The following KAT6A variants were observed in gnomAD, a reference collection of about 807,000 sequenced individuals.
The protein encoded by KAT6A is histone acetyltransferase KAT6A.
Under a neutral mutation model 198.4 loss-of-function variants are expected in KAT6A, and 9 were observed. The ratio of observed to expected loss-of-function variants is 0.05; its 90% confidence interval spans 0.03 to 0.08. KAT6A has a LOEUF of 0.08. Among genes scored for constraint, KAT6A ranks in the 10% least tolerant of loss-of-function variants. KAT6A has a pLI of 1.00. For missense variants in KAT6A, 2,077 were observed against 2,509.9 expected, an observed-to-expected ratio of 0.83 and a Z score of 3.69; for synonymous variants, 890 against 883.0, an observed-to-expected ratio of 1.01 and a Z score of -0.14.
intron 2 of KAT6A, among the ~76,000 whole-genome samples, 196 bp downstream of exon 2, chr8:42,048,182 T>G (rs1380337441): frequency 6.6e-6 from 1 of 152,196 alleles, no homozygotes; most frequent in African/African-American, 2.4e-5. Context: ...ATTTTTAATC[T>G]TAGGCTTCAA....
chr8:42,048,651 G>A lies in KAT6A; in HGVS notation c.327C>T (p.Gly109=). The change falls in exon 2 of 17, where the codon GGC becomes GGT. Residue 109 remains glycine (G), a synonymous_variant. Transcript: ENST00000265713. The part of the protein sequence containing the change: ...WNKLIKRAVE[G]LAESGGSTLK... ...AAGTTGAGCCACCAGACTCTGCCAAGCCCTCAACTGCCCGCTTTATCAGTT... is the reference window on the plus strand; with the variant it reads ...AAGTTGAGCCACCAGACTCTGCCAAACCCTCAACTGCCCGCTTTATCAGTT... 1 of 1,614,190 alleles carries A rather than the reference G, an allele frequency of 6.2e-7. No individual in the cohort carries two copies. Among genetic ancestry groups the A allele is most frequent in the Non-Finnish European group, 8.5e-7 (1 of 1,180,034 alleles).
chr8:41,930,812 A>G lies in KAT6A; in HGVS notation c.*1393T>C, dbSNP rs915564893. 4 of 191,666 alleles carry G rather than the reference A, an allele frequency of 2.1e-5. No individual in the cohort carries two copies. Among genetic ancestry groups the G allele is most frequent in the African/African-American group, 4.8e-5 (2 of 41,920 alleles). 11.9% of individuals were successfully genotyped at this position (191,666 alleles called of 1,614,324 possible). A position where few individuals can be genotyped will look rare whatever the true frequency, so the allele number is the denominator to read the frequency against. ...TGGGCAAACTGGTTGCACGAGAGAA[A>G]AGAGAATGGAGTTGGGAGCAACACA... On this transcript the variant is annotated 3_prime_UTR_variant, in exon 17 of 17. Coordinates refer to ENST00000265713, the MANE Select transcript of KAT6A (RefSeq NM_006766.5).
chr8:41,990,702 G>C (rs1824893459), intron 2 of KAT6A, among the ~76,000 whole-genome samples: 1 of 152,130 alleles, frequency 6.6e-6, no homozygotes, highest in African/African-American at 2.4e-5. Flanking sequence ...TGATTAAAAA[G>C]TGGAACAACA....
intron 10 of KAT6A, among the ~76,000 whole-genome samples, chr8:41,948,527 T>C (rs1822507760): frequency 1.3e-5 from 2 of 152,338 alleles, no homozygotes; most frequent in Non-Finnish European, 1.5e-5. Context: ...CAGCCTTGTC[T>C]GTGTTCATGG....
chr8:41,960,355 G>A (rs1016983972), intron 8 of KAT6A, among the ~76,000 whole-genome samples: 3 of 151,872 alleles, frequency 2.0e-5, no homozygotes, highest in African/African-American at 7.3e-5. Context: ...CAAGGCCGGC[G>A]GATCACGATC....
chr8:42,026,689 A>G (rs1826831483), intron 2 of KAT6A, among the ~76,000 whole-genome samples: 1 of 152,218 alleles, frequency 6.6e-6, no homozygotes, highest in South Asian at 2.1e-4. Flanking sequence ...TTTTCTACAT[A>G]TGAGATCATG....
chr8:42,050,514 T>C (rs1802557931), intron 1 of KAT6A, among the ~76,000 whole-genome samples: 2 of 152,114 alleles, frequency 1.3e-5, no homozygotes, highest in African/African-American at 4.8e-5. Context: ...TAATACACAC[T>C]AGGAAAGAGA....
At chr8:41,985,555 T>C (rs957320898) in intron 3 of KAT6A, among the ~76,000 whole-genome samples, 9 of 152,166 alleles carry the variant, frequency 5.9e-5, no homozygotes, top group African/African-American at 1.9e-4. Context: ...CGTAGGTATC[T>C]AGAGCTATTG....
chr8:42,050,356 T>A (rs1167410766), intron 1 of KAT6A, among the ~76,000 whole-genome samples: 2 of 152,236 alleles, frequency 1.3e-5, no homozygotes, highest in African/African-American at 4.8e-5. Flanking sequence ...TCTAACTCTT[T>A]TGCCTCCAAA....
chr8:41,948,381 C>A, intron 10 of KAT6A, among the ~76,000 whole-genome samples: 1 of 152,158 alleles, frequency 6.6e-6, no homozygotes, highest in East Asian at 1.9e-4. Context: ...CGGGCTTGAA[C>A]CCAGATAAAA....
At position 41,933,454 on chromosome 8, in the gene KAT6A, T is replaced by A; in HGVS notation, c.4766A>T (p.Tyr1589Phe). 6.2e-7 allele frequency: 1 copy of A among 1,612,900 alleles called. No individual in the cohort carries two copies. The highest frequency in any genetic ancestry group is 1.1e-5 in the South Asian group (1 of 91,006). The change falls in exon 17 of 17, where the codon TAC becomes TTC. Residue 1589 changes from tyrosine (Y) to phenylalanine (F), a missense_variant. Tyr to Phe is a conservative substitution (Grantham distance 22). Coordinates refer to ENST00000265713, the MANE Select transcript of KAT6A (RefSeq NM_006766.5). The surrounding 1 kb of genome is among the most constrained non-coding windows in gnomAD (Gnocchi z 6.2). ...GCTGCTGGAGGACGACAGCCCACCG[T>A]AGGAGCAGCTGCTCTGGGAAGAGCT... is the stretch of plus-strand genomic sequence containing the variant. Reference protein sequence around the residue: ...GNSSSQSSCSYGGLSSSSSLT... With the variant: ...GNSSSQSSCSFGGLSSSSSLT...
At chr8:41,979,417 T>C (rs1470602585) in intron 5 of KAT6A, among the ~76,000 whole-genome samples, 1 of 151,548 alleles carries the variant, frequency 6.6e-6, no homozygotes, top group African/African-American at 2.4e-5. Flanking sequence ...GGTGGGCGGA[T>C]TACCTGAGGT....
intron 2 of KAT6A, among the ~76,000 whole-genome samples, chr8:42,030,741 G>A (rs1210163479): frequency 6.6e-6 from 1 of 151,546 alleles, no homozygotes; most frequent in East Asian, 1.9e-4. Flanking sequence ...ATTTTTTGTT[G>A]TTGTTGTTGT....
intron 8 of KAT6A, among the ~76,000 whole-genome samples, chr8:41,966,218 T>C (rs1238429811): frequency 6.6e-6 from 1 of 152,114 alleles, no homozygotes; most frequent in Non-Finnish European, 1.5e-5. Context: ...AATACACAGA[T>C]AATACGTCTT....
At chr8:41,938,549 G>A (rs1356750557) in intron 15 of KAT6A, among the ~76,000 whole-genome samples, 1 of 152,140 alleles carries the variant, frequency 6.6e-6, no homozygotes, top group East Asian at 1.9e-4. Flanking sequence ...TCTAGGACAA[G>A]GGCATGAAAT....
intron 2 of KAT6A, among the ~76,000 whole-genome samples, chr8:42,011,875 T>C (rs1202435097): frequency 7.6e-6 from 1 of 132,312 alleles, no homozygotes; most frequent in Non-Finnish European, 1.6e-5. Context: ...AGAACAGAGG[T>C]GTGGGGAAAA....
At chr8:41,944,046 A>C in intron 12 of KAT6A, 67 bp from the exon 13 acceptor site, 2 of 1,019,846 alleles carry the variant, frequency 2.0e-6, no homozygotes, top group Non-Finnish European at 3.0e-6. Flanking sequence ...ATTCACCAAA[A>C]TAACAATCCC....
intron 11 of KAT6A, among the ~76,000 whole-genome samples, chr8:41,947,395 A>C (rs1468650027): frequency 6.6e-6 from 1 of 152,242 alleles, no homozygotes; most frequent in Non-Finnish European, 1.5e-5. Flanking sequence ...TCTTACTCTT[A>C]TTTCTATGCC....
intron 4 of KAT6A, 94 bp from the exon 5 acceptor site, chr8:41,981,021 T>C: frequency 1.1e-6 from 1 of 908,064 alleles, no homozygotes; most frequent in Non-Finnish European, 1.8e-6. Flanking sequence ...GCTTCAGGGA[T>C]CTTAAAAAAA....
Sources: gnomAD v4.1 joint callset for allele counts (sites outside exome capture counted in the v4.1 genomes callset) on GRCh38, gnomAD v4.1.1 for gene constraint, Gnocchi (gnomAD v3.1) non-coding constraint, MANE v1.5 for transcripts, NCBI Gene and HGNC (gene_info 2026-07-23, HGNC 2026-07-21) for gene names.